The following SHOC2 variants were observed in gnomAD, a reference collection of about 807,000 sequenced individuals.
SHOC2 encodes the protein SHOC2 leucine rich repeat scaffold protein.
A neutral mutation model predicts 50.2 loss-of-function variants in SHOC2; 4 were observed. The ratio of observed to expected loss-of-function variants is 0.08; its 90% confidence interval spans 0.04 to 0.18. The LOEUF is 0.18. Ranked by LOEUF, SHOC2 falls within the 10% of genes least tolerant of loss-of-function variation. SHOC2 has a pLI of 1.00. For synonymous variants in SHOC2, 218 were observed against 244.5 expected, an observed-to-expected ratio of 0.89 and a Z score of 1.01; for missense variants, 388 against 669.6, an observed-to-expected ratio of 0.58 and a Z score of 4.64.
At chr10:110,919,748 T>C (rs1286094497) in intron 1 of SHOC2, 91 bp downstream of exon 1, 3 of 394,968 alleles carry the variant, frequency 7.6e-6, no homozygotes, top group Non-Finnish European at 1.3e-5. Context: ...TGGCTGTCGG[T>C]AGGGGGAGGC....
intron 1 of SHOC2, among the ~76,000 whole-genome samples, chr10:110,933,610 T>C (rs572811188): frequency 2.0e-5 from 3 of 152,286 alleles, no homozygotes; most frequent in African/African-American, 7.2e-5. Flanking sequence ...AGAGGGCAGC[T>C]CCTTTTCAAT....
chr10:110,949,561 A>G (rs1375292461), intron 1 of SHOC2, among the ~76,000 whole-genome samples: 4 of 152,166 alleles, frequency 2.6e-5, no homozygotes, highest in African/African-American at 9.6e-5. Flanking sequence ...TAGAGGAGGG[A>G]ATACTTCCAA....
intron 1 of SHOC2, among the ~76,000 whole-genome samples, chr10:110,931,297 A>T (rs754302404): frequency 6.6e-6 from 1 of 152,008 alleles, no homozygotes; most frequent in Non-Finnish European, 1.5e-5. Flanking sequence ...TCTATCCCCT[A>T]CCTCAGGTTC....
At chr10:110,985,976 T>C (rs1848068857) in intron 3 of SHOC2, 22 of 523,190 alleles carry the variant, frequency 4.2e-5, no homozygotes, top group South Asian at 3.9e-4. Flanking sequence ...AATGGGATTA[T>C]AAAAGAGAGA....
rs140082878 is a variant in SHOC2, at chr10:110,927,766, C to G, written c.-235+8109C>G. 3.7e-4 allele frequency among the ~76,000 whole-genome samples: 56 copies of G among 152,214 alleles called. No homozygotes were observed. In the East Asian group the frequency reaches 0.011, roughly 29 times the overall value. On this transcript the variant is annotated intron_variant, in intron 1 of 8. Coordinates refer to ENST00000369452, the MANE Select transcript of SHOC2 (RefSeq NM_007373.4). ...TTGTGTCAGGCTTTGTGTTGGGCAC[C>G]AAGCACCTTAAGATAGTCAGATATA... is the stretch of plus-strand genomic sequence containing the variant.
chr10:110,989,321 A>C (rs1848139087), intron 3 of SHOC2, among the ~76,000 whole-genome samples: 1 of 152,158 alleles, frequency 6.6e-6, no homozygotes, highest in African/African-American at 2.4e-5. Flanking sequence ...TTGTTGTACT[A>C]ATTCCCATTT....
rs1226932309 is a variant in SHOC2, at chr10:110,964,410, G to C, written c.52G>C (p.Val18Leu). 1.2e-6 allele frequency: 2 copies of C among 1,613,200 alleles called. No homozygotes were observed. Among genetic ancestry groups the C allele is most frequent in the Admixed American group, 3.3e-5 (2 of 59,764 alleles). ...EKDSKEKDPK[V>L]PSAKEREKEA... The stretch of plus-strand genomic sequence containing the variant: ...AGACTCTAAAGAAAAAGATCCCAAA[G>C]TACCATCAGCCAAGGAAAGAGAAAA... The change falls in exon 2 of 9, where the codon GTA becomes CTA. Residue 18 changes from valine (V) to leucine (L), a missense_variant. Val to Leu is a conservative substitution (Grantham distance 32). Around this residue, in one of 5 missense-constraint regions of SHOC2, gnomAD observed 121 missense variants for 145.5 expected, o/e 0.83. Coordinates refer to ENST00000369452, the MANE Select transcript of SHOC2 (RefSeq NM_007373.4). The surrounding 1 kb of genome is among the most constrained non-coding windows in gnomAD (Gnocchi z 4.9).
At chr10:110,920,832 T>C (rs1215072566) in intron 1 of SHOC2, among the ~76,000 whole-genome samples, 3 of 152,210 alleles carry the variant, frequency 2.0e-5, no homozygotes, top group Admixed American at 6.5e-5. Context: ...AGTATTTGCC[T>C]CCAGCGTGAT....
At chr10:110,974,874 C>T (rs2134134288) in intron 2 of SHOC2, among the ~76,000 whole-genome samples, 1 of 152,180 alleles carries the variant, frequency 6.6e-6, no homozygotes, top group South Asian at 2.1e-4. Flanking sequence ...TACATTGATA[C>T]TATTTTGCTT....
chr10:111,009,973 C>T (rs114767330), intron 8 of SHOC2, 143 bp downstream of exon 8: 117 of 603,562 alleles, frequency 1.9e-4, no homozygotes, highest in African/African-American at 1.7e-3. Flanking sequence ...AATAGAGCAC[C>T]GATGGTTGAT....
chr10:110,976,229 C>T (rs148086272), intron 2 of SHOC2, among the ~76,000 whole-genome samples: 1 of 152,102 alleles, frequency 6.6e-6, no homozygotes, highest in East Asian at 1.9e-4. Context: ...TTTCTTTTGC[C>T]CAAAGAACGT....
intron 3 of SHOC2, among the ~76,000 whole-genome samples, chr10:110,994,846 G>C (rs966557919): frequency 4.6e-5 from 7 of 152,176 alleles, no homozygotes. Flanking sequence ...AATGCAGAAA[G>C]TTGGAATTGT....
chr10:110,984,440 C>T (rs1449204517), intron 2 of SHOC2, among the ~76,000 whole-genome samples: 1 of 151,892 alleles, frequency 6.6e-6, no homozygotes, highest in Non-Finnish European at 1.5e-5. Context: ...ATATTTTCTC[C>T]CACTATATAG....
At chr10:110,980,936 G>GT (rs1172664697) in intron 2 of SHOC2, among the ~76,000 whole-genome samples, 1 of 152,124 alleles carries the variant, frequency 6.6e-6, no homozygotes, top group Non-Finnish European at 1.5e-5. Flanking sequence ...ACACTACAGT[G>GT]TAAGTTTCAT....
intron 1 of SHOC2, among the ~76,000 whole-genome samples, chr10:110,932,961 A>G (rs778834514): frequency 6.6e-6 from 1 of 152,216 alleles, no homozygotes; most frequent in Non-Finnish European, 1.5e-5. Context: ...TTGTTTTACA[A>G]CTTTAGAGTG....
chr10:110,936,590 T>C (rs1432111584), intron 1 of SHOC2: 3 of 269,278 alleles, frequency 1.1e-5, no homozygotes, highest in Non-Finnish European at 1.2e-5. Flanking sequence ...TTTCTTTTCC[T>C]TTTTTTTTTT....
intron 4 of SHOC2, among the ~76,000 whole-genome samples, chr10:111,001,157 CT>C (rs11379743): frequency 2.6e-3 from 331 of 129,242 alleles, no homozygotes; most frequent in African/African-American, 5.0e-3. Context: ...AGATATAATA[CT>C]TTTTTTTTTT....
At chr10:111,000,620 A>G (rs888699897) in intron 4 of SHOC2, 75 bp downstream of exon 4, 3 of 1,293,896 alleles carry the variant, frequency 2.3e-6, no homozygotes, top group African/African-American at 2.9e-5. Flanking sequence ...GTAAATCTTT[A>G]TAGCAGGGTA....
In SHOC2 at chr10:110,936,286, T is replaced by C. The variant is rs368789042; in HGVS notation, c.-235+16629T>C. Among the ~76,000 whole-genome samples, 48 of 151,756 alleles carry C rather than the reference T, an allele frequency of 3.2e-4. No homozygotes were observed. The East Asian group carries it at 9.3e-3, about 29-fold the overall frequency. On this transcript the variant is annotated intron_variant, in intron 1 of 8. Transcript: ENST00000369452. Reference sequence around the variant, plus strand: ...TAATTTTTGTATTTTTTTTTTTTAGTTGAGACGGGGTTTCACCATGTGGCC... The same window carrying C: ...TAATTTTTGTATTTTTTTTTTTTAGCTGAGACGGGGTTTCACCATGTGGCC...
Sources: allele counts gnomAD v4.1 joint callset (sites outside exome capture counted in the v4.1 genomes callset), GRCh38; gene constraint gnomAD v4.1.1; regional missense constraint gnomAD v4.1.1; non-coding constraint Gnocchi (gnomAD v3.1); transcripts MANE v1.5; gene names NCBI Gene and HGNC (gene_info 2026-07-23, HGNC 2026-07-21).